The following DENND1B variants were observed in gnomAD, a reference collection of about 807,000 sequenced individuals.
DENND1B encodes DENN domain-containing protein 1B.
DENND1B carries 59 observed loss-of-function variants against 90.1 expected under a neutral mutation model. The observed-to-expected ratio is 0.65, with a 90% CI of 0.53 to 0.81. The LOEUF (loss-of-function observed/expected upper bound fraction) is 0.81. Ranked by LOEUF, DENND1B falls within the 40% of genes least tolerant of loss-of-function variation. DENND1B has a pLI of 0.00. For synonymous variants in DENND1B, 337 were observed against 324.6 expected (o/e 1.04, Z -0.41); for missense variants, 862 against 912.6 (o/e 0.94, Z 0.71).
At chr1:197,599,645 T>C (rs1676021851) in intron 13 of DENND1B, among the ~76,000 whole-genome samples, 1 of 151,878 alleles carries the variant, frequency 6.6e-6, no homozygotes, top group Non-Finnish European at 1.5e-5. Context: ...CCCTACACTT[T>C]TTTAACCTTT....
chr1:197,621,855 GA>G (rs971290362), intron 10 of DENND1B, among the ~76,000 whole-genome samples: 4 of 151,342 alleles, frequency 2.6e-5, no homozygotes, highest in Non-Finnish European at 4.4e-5. Context: ...AAGGTTTATG[GA>G]AAAAAATTTC....
chr1:197,671,669 G>A (rs1655517862), intron 5 of DENND1B, among the ~76,000 whole-genome samples: 1 of 152,102 alleles, frequency 6.6e-6, no homozygotes. Flanking sequence ...TAAAGCAGCA[G>A]TTCACTTTTA....
intron 14 of DENND1B, among the ~76,000 whole-genome samples, chr1:197,590,792 G>A (rs1362932912): frequency 1.3e-5 from 2 of 152,090 alleles, no homozygotes; most frequent in Admixed American, 1.3e-4. Flanking sequence ...TAAGGTCTTT[G>A]AGATTTGAGC....
At chr1:197,655,349 GAGAT>G (rs1398971324) in intron 6 of DENND1B, among the ~76,000 whole-genome samples, 2 of 152,138 alleles carry the variant, frequency 1.3e-5, no homozygotes, top group African/African-American at 2.4e-5. Flanking sequence ...GGGAGACACA[GAGAT>G]AGAACAGTTC....
upstream of DENND1B, among the ~76,000 whole-genome samples, chr1:197,777,483 T>A (rs894098192): frequency 6.6e-6 from 1 of 152,188 alleles, no homozygotes; most frequent in Non-Finnish European, 1.5e-5. Context: ...AACATAGGTG[T>A]ACATGATCTA....
intron 19 of DENND1B, 72 bp from the exon 20 acceptor site, chr1:197,540,143 A>G (rs1670227199): frequency 9.6e-6 from 10 of 1,040,698 alleles, no homozygotes; most frequent in Non-Finnish European, 1.4e-5. Flanking sequence ...AGATTAATAA[A>G]CAAAGTATCT....
At chr1:197,654,896 G>A (rs1446380721) in intron 6 of DENND1B, among the ~76,000 whole-genome samples, 1 of 151,998 alleles carries the variant, frequency 6.6e-6, no homozygotes. Context: ...TCACCATACT[G>A]GGCAGACAGA....
At chr1:197,611,905 C>T (rs780728961) in intron 12 of DENND1B, 26 bp downstream of exon 12, 28 of 1,592,870 alleles carry the variant, frequency 1.8e-5, no homozygotes, top group Non-Finnish European at 2.3e-5. Flanking sequence ...AATTTTATCA[C>T]TGTCTCATGT....
chr1:197,658,257 A>T, intron 6 of DENND1B, 43 bp downstream of exon 6: 2 of 1,459,262 alleles, frequency 1.4e-6, no homozygotes, highest in Non-Finnish European at 1.9e-6. Flanking sequence ...TTTGTGTTAT[A>T]AGTATTTTAC....
chr1:197,735,707 C>G (rs1434577071), intron 2 of DENND1B: 8 of 1,613,726 alleles, frequency 5.0e-6, no homozygotes, highest in Non-Finnish European at 6.8e-6. Context: ...ACGCCAGGAC[C>G]GACAGGAAAG....
intron 5 of DENND1B, among the ~76,000 whole-genome samples, chr1:197,670,443 CTGTGTGTGTGTGTGTGTGTG>C (rs60648023): frequency 2.0e-5 from 2 of 99,536 alleles, no homozygotes; most frequent in Non-Finnish European, 3.9e-5. Flanking sequence ...GGGGGGAAGA[CTGTGTGTGTGTGTGTGTGTG>C]TGTGTGTGTG....
At chr1:197,523,804 C>CA (rs1668945666) in intron 20 of DENND1B, among the ~76,000 whole-genome samples, 1 of 152,090 alleles carries the variant, frequency 6.6e-6, no homozygotes, top group African/African-American at 2.4e-5. Context: ...ACTGTTTCTA[C>CA]CCATTTCTGG....
rs543333064 is a variant in DENND1B, at chr1:197,513,100, C to G, written c.1516-147G>C. 5.0e-6 allele frequency: 3 copies of G among 595,896 alleles called. No individual in the cohort carries two copies. The South Asian group carries it at 6.7e-5, about 13-fold the overall frequency. The allele number at this position is 595,896 out of a possible 1,614,324, so 36.9% of individuals were successfully genotyped here. On this transcript the variant is annotated intron_variant, in intron 20 of 22. Transcript: ENST00000620048. ...TTTTGAATATTATCCAATAACTTGA[C>G]AAACTGGGACAGGAAGAAAGGGAAG... is the stretch of plus-strand genomic sequence containing the variant.
At chr1:197,548,396 G>A (rs1670972515) in intron 16 of DENND1B, among the ~76,000 whole-genome samples, 1 of 152,138 alleles carries the variant, frequency 6.6e-6, no homozygotes, top group Non-Finnish European at 1.5e-5. Flanking sequence ...TAACTTGGCT[G>A]AGCATCAGCT....
intron 15 of DENND1B, among the ~76,000 whole-genome samples, chr1:197,571,018 A>T (rs975242673): frequency 3.3e-5 from 5 of 151,984 alleles, no homozygotes; most frequent in African/African-American, 7.2e-5. Flanking sequence ...ATTATCTCTG[A>T]TTTCTTATTT....
At chr1:197,666,874 T>C (rs1654987792) in intron 5 of DENND1B, among the ~76,000 whole-genome samples, 1 of 152,138 alleles carries the variant, frequency 6.6e-6, no homozygotes, top group African/African-American at 2.4e-5. Context: ...TAAGGCAAAC[T>C]AGGCTGGGGG....
At chr1:197,741,657 AC>A (rs908763786) in intron 2 of DENND1B, among the ~76,000 whole-genome samples, 8 of 152,332 alleles carry the variant, frequency 5.3e-5, no homozygotes, top group African/African-American at 1.9e-4. Context: ...TTTAACAGGC[AC>A]AAAACTTAAA....
rs576199577 is a variant in DENND1B, at chr1:197,673,160, A to T, written c.176+960T>A. Among the ~76,000 whole-genome samples, 21 of 146,208 alleles carry T rather than the reference A, an allele frequency of 1.4e-4. No individual in the cohort carries two copies. In the South Asian group the frequency reaches 3.2e-3, roughly 22 times the overall value. On this transcript the variant is annotated intron_variant, in intron 4 of 22. Coordinates refer to ENST00000620048, the MANE Select transcript of DENND1B (RefSeq NM_001195215.2). ...TCTTACACTTTAATAAACTTAAAAT[A>T]AAAAAAAAACCCTCTAGTGACAAAT...
At chr1:197,623,769 T>C (rs1261921306) in intron 10 of DENND1B, among the ~76,000 whole-genome samples, 1 of 151,456 alleles carries the variant, frequency 6.6e-6, no homozygotes, top group Non-Finnish European at 1.5e-5. Context: ...GTCCCTAATT[T>C]ACATCAGAGT....
Sources: allele counts gnomAD v4.1 joint callset (sites outside exome capture counted in the v4.1 genomes callset), GRCh38; gene constraint gnomAD v4.1.1; transcripts MANE v1.5; gene names NCBI Gene and HGNC (gene_info 2026-07-23, HGNC 2026-07-21).